The following KIF1A variants were observed in gnomAD, a reference collection of about 807,000 sequenced individuals.
The protein encoded by KIF1A is kinesin-like protein KIF1A.
In KIF1A, 46 loss-of-function variants were observed where a neutral mutation model predicts 227.3. The observed-to-expected ratio is 0.20, with a 90% CI of 0.16 to 0.26. The LOEUF is 0.26. Ranked by LOEUF, KIF1A falls within the 10% of genes least tolerant of loss-of-function variation. KIF1A has a pLI of 1.00. For missense variants in KIF1A, 1,683 were observed against 2,485.9 expected (o/e 0.68, Z 6.87); for synonymous variants, 1,022 against 1,012.8 (o/e 1.01, Z -0.17).
intron 1 of KIF1A, among the ~76,000 whole-genome samples, chr2:240,819,346 A>G (rs1575688542): frequency 6.6e-6 from 1 of 151,488 alleles, no homozygotes; most frequent in Non-Finnish European, 1.5e-5. Context: ...GCCGGGCCAC[A>G]CCTGTTACAG....
chr2:240,774,840 C>A (rs56871210), intron 11 of KIF1A, among the ~76,000 whole-genome samples: 1 of 152,068 alleles, frequency 6.6e-6, no homozygotes, highest in African/African-American at 2.4e-5. Flanking sequence ...TGCTGCCTGG[C>A]GGTGCTTCAA....
At position 240,766,833 on chromosome 2, in the gene KIF1A, C is replaced by A; in HGVS notation, c.1684+82G>T. 1 of 899,442 alleles carries A rather than the reference C, an allele frequency of 1.1e-6. No individual in the cohort carries two copies. Among genetic ancestry groups the A allele is most frequent in the East Asian group, 2.9e-5 (1 of 35,062 alleles). 55.7% of individuals were successfully genotyped at this position (899,442 alleles called of 1,614,324 possible). ...CGCGACCCACTTAGTGCTGGGTAAG[C>A]TGGGAGAGGGTGACCTCATTCAGGC... is the stretch of plus-strand genomic sequence containing the variant. On this transcript the variant is annotated intron_variant, in intron 19 of 48. Transcript: ENST00000498729. The surrounding 1 kb of genome is among the most constrained non-coding windows in gnomAD (Gnocchi z 5.0).
intron 28 of KIF1A, 31 bp from the exon 29 acceptor site, chr2:240,747,352 C>A (rs372431024): frequency 6.3e-7 from 1 of 1,578,928 alleles, no homozygotes; most frequent in African/African-American, 1.3e-5. Flanking sequence ...ATGGTTGGAG[C>A]CCAGCTTGTC....
At chr2:240,741,227 G>A (rs1013225) in intron 35 of KIF1A, 42 bp downstream of exon 35, 23 of 1,379,758 alleles carry the variant, frequency 1.7e-5, no homozygotes, top group East Asian at 2.5e-5. Flanking sequence ...CGCACCCCCC[G>A]ACACACACTC....
intron 28 of KIF1A, among the ~76,000 whole-genome samples, chr2:240,750,217 G>GCGGGGCAGCAGCC (rs1468928456): frequency 1.3e-5 from 2 of 152,208 alleles, no homozygotes; most frequent in Admixed American, 1.3e-4. Flanking sequence ...AGGGCCCACT[G>GCGGGGCAGCAGCC]CGGGGCAGCA....
chr2:240,726,747 G>T lies in KIF1A; in HGVS notation c.4122+79C>A. On this transcript the variant is annotated intron_variant, in intron 39 of 48. Transcript: ENST00000498729. The surrounding 1 kb of genome is among the most constrained non-coding windows in gnomAD (Gnocchi z 5.2). ...TAGAGAAGTCGTCTGGGTCATATGG[G>T]GTTGTCCAGAGCTTACAAGAACCTC... The T allele has an allele frequency of 1.3e-6, 1 of 789,508 alleles. No homozygotes were observed. Among genetic ancestry groups the T allele is most frequent in the Non-Finnish European group, 2.2e-6 (1 of 463,680 alleles). 48.9% of individuals were successfully genotyped at this position (789,508 alleles called of 1,614,324 possible). A position where few individuals can be genotyped will look rare whatever the true frequency, so the allele number is the denominator to read the frequency against.
chr2:240,762,958 G>C, intron 22 of KIF1A, 61 bp downstream of exon 22: 1 of 1,388,302 alleles, frequency 7.2e-7, no homozygotes. Context: ...GGGCGTGGGA[G>C]GACAGGGGTC....
At position 240,739,013 on chromosome 2, in the gene KIF1A, A is replaced by C. The variant is rs1444183628; in HGVS notation, c.3901+1045T>G. On this transcript the variant is annotated intron_variant, in intron 37 of 48. Transcript: ENST00000498729. This position sits in a 1 kb window ranked among gnomAD's most constrained non-coding sequence, Gnocchi z 5.6. ...CACTCTTCTTAGGCTTGCCCTAAAC[A>C]ACCTCTGAAAGGAGGGTTTGGGTGC... 1.3e-5 allele frequency among the ~76,000 whole-genome samples: 2 copies of C among 152,252 alleles called. No individual in the cohort carries two copies. Among genetic ancestry groups the C allele is most frequent in the African/African-American group, 2.4e-5 (1 of 41,464 alleles).
intron 1 of KIF1A, among the ~76,000 whole-genome samples, chr2:240,814,361 C>G (rs901283010): frequency 2.0e-5 from 3 of 152,104 alleles, no homozygotes; most frequent in African/African-American, 7.2e-5. Context: ...GTGACCCTAT[C>G]CTTAGAGTTC....
At chr2:240,768,587 AC>A (rs2051509080) in intron 17 of KIF1A, among the ~76,000 whole-genome samples, 1 of 152,096 alleles carries the variant, frequency 6.6e-6, no homozygotes, top group Admixed American at 6.5e-5. Context: ...GCCATGCCCC[AC>A]CTGGGCTGCT....
At chr2:240,729,319 G>A (rs1472133771) in intron 38 of KIF1A, among the ~76,000 whole-genome samples, 1 of 150,844 alleles carries the variant, frequency 6.6e-6, no homozygotes, top group East Asian at 1.9e-4. Flanking sequence ...CCATCTCCGT[G>A]TGTGCAGACA....
At chr2:240,720,797 C>G in intron 45 of KIF1A, 117 bp downstream of exon 45, 1 of 1,296,816 alleles carries the variant, frequency 7.7e-7, no homozygotes, top group South Asian at 1.6e-5. Context: ...TGTGGCCACC[C>G]CAAGGCACTC....
chr2:240,778,233 G>C lies in KIF1A; in HGVS notation c.883-2307C>G, dbSNP rs146143827. On this transcript the variant is annotated intron_variant, in intron 10 of 48. Coordinates refer to ENST00000498729, the MANE Select transcript of KIF1A (RefSeq NM_001244008.2). The surrounding 1 kb of genome is among the most constrained non-coding windows in gnomAD (Gnocchi z 7.2). ...TCAAGTTTCCCCACAAGTTCCACACGCAATTCTGTCACAGTTCTCTGTGGA... is the reference window on the plus strand; with the variant it reads ...TCAAGTTTCCCCACAAGTTCCACACCCAATTCTGTCACAGTTCTCTGTGGA... Among the ~76,000 whole-genome samples, 1 of 151,970 alleles carries C rather than the reference G, an allele frequency of 6.6e-6. No homozygotes were observed. Among genetic ancestry groups the C allele is most frequent in the Non-Finnish European group, 1.5e-5 (1 of 68,000 alleles).
At position 240,747,138 on chromosome 2, in the gene KIF1A, G is replaced by A. The variant is rs375897560; in HGVS notation, c.3063+98C>T. 130 of 811,072 alleles carry A rather than the reference G, an allele frequency of 1.6e-4. 1 individual carries two copies. The highest frequency in any genetic ancestry group is 1.1e-3 in the Admixed American group (51 of 46,508). The allele number at this position is 811,072 out of a possible 1,614,324, so 50.2% of individuals were successfully genotyped here. On this transcript the variant is annotated intron_variant, in intron 29 of 48. Coordinates refer to ENST00000498729, the MANE Select transcript of KIF1A (RefSeq NM_001244008.2). The stretch of plus-strand genomic sequence containing the variant: ...AGAACCCCAAGAGGACTCAGGGCCC[G>A]TGGGATGGGACACAGGGGTGTTAGA...
At position 240,757,449 on chromosome 2, in the gene KIF1A, CCTCCT is replaced by C; in HGVS notation, c.2723_2727del (p.Glu908GlyfsTer10). 14 of 1,550,318 alleles carry C rather than the reference CCTCCT, an allele frequency of 9.0e-6. No homozygotes were observed. Among genetic ancestry groups the C allele is most frequent in the Non-Finnish European group, 1.2e-5 (14 of 1,146,836 alleles). ...TCCTCCTCCTCCTCCTCCTCCTCCTCCTCCTCCCCCACGCTCTGCTCCTCGGCAGG... is the reference window on the plus strand; with the variant it reads ...TCCTCCTCCTCCTCCTCCTCCTCCTCCCCCCACGCTCTGCTCCTCGGCAGG... On this transcript the variant is annotated frameshift_variant, in exon 27 of 49. Transcript: ENST00000498729. LOFTEE classifies it high-confidence loss of function. The surrounding 1 kb of genome is among the most constrained non-coding windows in gnomAD (Gnocchi z 6.2).
intron 38 of KIF1A, among the ~76,000 whole-genome samples, chr2:240,732,248 TGAAACA>T (rs2046775845): frequency 2.2e-5 from 1 of 45,212 alleles, no homozygotes; most frequent in African/African-American, 1.0e-4. Flanking sequence ...GAAGAGGGGA[TGAAACA>T]TGAGGGGAGG....
rs1463863009 is a variant in KIF1A at position 240,766,495 on chromosome 2, A to G, written c.1684+420T>C. 6.6e-6 allele frequency among the ~76,000 whole-genome samples: 1 copy of G among 152,050 alleles called. No individual in the cohort carries two copies. The highest frequency in any genetic ancestry group is 2.4e-5 in the African/African-American group (1 of 41,390). The stretch of plus-strand genomic sequence containing the variant: ...GTTTTCCACCCTAGATCTGGGCTCA[A>G]TCCTCATGGCTCACTGTCCTCCCGC... On this transcript the variant is annotated intron_variant, in intron 19 of 48. Coordinates refer to ENST00000498729, the MANE Select transcript of KIF1A (RefSeq NM_001244008.2). The surrounding 1 kb of genome is among the most constrained non-coding windows in gnomAD (Gnocchi z 5.0).
intron 34 of KIF1A, among the ~76,000 whole-genome samples, chr2:240,741,953 C>T (rs757463850): frequency 2.6e-5 from 4 of 152,234 alleles, no homozygotes; most frequent in Non-Finnish European, 5.9e-5. Flanking sequence ...AGACCCATCA[C>T]ACAGGTCCTC....
intron 10 of KIF1A, chr2:240,782,298 C>T (rs1237644667): frequency 9.2e-6 from 7 of 758,620 alleles, no homozygotes; most frequent in African/African-American, 1.9e-5. Flanking sequence ...CTTTCAGCTC[C>T]TCCCAGGGCC....
Sources: allele counts gnomAD v4.1 joint callset (sites outside exome capture counted in the v4.1 genomes callset), GRCh38; gene constraint gnomAD v4.1.1; non-coding constraint Gnocchi (gnomAD v3.1); transcripts MANE v1.5; gene names NCBI Gene and HGNC (gene_info 2026-07-23, HGNC 2026-07-21).